The following FSTL5 variants were observed in gnomAD, a reference collection of about 807,000 sequenced individuals.
FSTL5 encodes follistatin-related protein 5.
In FSTL5, 62 loss-of-function variants were observed where a neutral mutation model predicts 89.1. The observed-to-expected ratio is 0.70, with a 90% CI of 0.57 to 0.86. FSTL5 has a LOEUF of 0.86. FSTL5 is among the 40% of genes least tolerant of loss of function. The pLI is 0.00. For missense variants in FSTL5, 1,057 were observed against 1,001.6 expected (o/e 1.06, Z -0.75); for synonymous variants, 383 against 346.2 (o/e 1.11, Z -1.18).
chr4:161,547,582 T>C (rs1040436026), intron 8 of FSTL5, among the ~76,000 whole-genome samples: 1 of 151,888 alleles, frequency 6.6e-6, no homozygotes, highest in South Asian at 2.1e-4. Context: ...TTTATCAGAA[T>C]ACTAAAATGG....
intron 15 of FSTL5, among the ~76,000 whole-genome samples, chr4:161,395,213 C>A (rs935530634): frequency 6.6e-6 from 1 of 151,472 alleles, no homozygotes; most frequent in Non-Finnish European, 1.5e-5. Context: ...AACATAGGGG[C>A]AAAGATGATA....
intron 15 of FSTL5, among the ~76,000 whole-genome samples, chr4:161,420,923 G>A (rs1378446628): frequency 6.6e-6 from 1 of 151,400 alleles, no homozygotes; most frequent in Non-Finnish European, 1.5e-5. Flanking sequence ...TATTGGTTCT[G>A]TTTCTCTAGA....
chr4:161,641,184 A>C (rs1012847869), intron 7 of FSTL5, among the ~76,000 whole-genome samples: 1 of 152,228 alleles, frequency 6.6e-6, no homozygotes, highest in African/African-American at 2.4e-5. Context: ...GTTACTAGAC[A>C]GTGACTGAAA....
At chr4:161,887,546 CA>C (rs1354776021) in intron 4 of FSTL5, among the ~76,000 whole-genome samples, 7 of 152,024 alleles carry the variant, frequency 4.6e-5, no homozygotes, top group African/African-American at 1.7e-4. Context: ...CAATGTTTCT[CA>C]GACATTTTAT....
At chr4:161,950,160 T>C (rs1167367622) in intron 3 of FSTL5, among the ~76,000 whole-genome samples, 3 of 152,182 alleles carry the variant, frequency 2.0e-5, no homozygotes. Flanking sequence ...TCAGTGCTGA[T>C]GAGGCACATT....
At chr4:161,914,398 A>G (rs1733783371) in intron 4 of FSTL5, among the ~76,000 whole-genome samples, 1 of 152,184 alleles carries the variant, frequency 6.6e-6, no homozygotes, top group South Asian at 2.1e-4. Flanking sequence ...AATTTGACAG[A>G]AATTAAATGC....
chr4:161,480,254 A>G (rs1046710363), intron 13 of FSTL5, among the ~76,000 whole-genome samples: 13 of 152,242 alleles, frequency 8.5e-5, no homozygotes, highest in African/African-American at 2.9e-4. Context: ...TTCGTAAGAT[A>G]CATATATTTA....
chr4:162,027,838 G>T (rs1737357451), intron 3 of FSTL5, among the ~76,000 whole-genome samples: 1 of 151,652 alleles, frequency 6.6e-6, no homozygotes, highest in East Asian at 1.9e-4. Flanking sequence ...TTGCTGTGAG[G>T]TAAGTAATAC....
chr4:161,614,114 G>A (rs1346244138), intron 7 of FSTL5, among the ~76,000 whole-genome samples: 1 of 152,080 alleles, frequency 6.6e-6, no homozygotes, highest in Non-Finnish European at 1.5e-5. Flanking sequence ...GGGGTTCATA[G>A]TGCAGTTTTA....
chr4:161,884,541 A>G (rs1251004485), intron 4 of FSTL5, among the ~76,000 whole-genome samples: 1 of 152,224 alleles, frequency 6.6e-6, no homozygotes, highest in Non-Finnish European at 1.5e-5. Context: ...CTGCAAAACA[A>G]CAATGAAAAG....
intron 6 of FSTL5, among the ~76,000 whole-genome samples, chr4:161,679,404 G>A (rs1560785701): frequency 6.6e-6 from 1 of 151,600 alleles, no homozygotes; most frequent in South Asian, 2.1e-4. Flanking sequence ...TTTAATATTA[G>A]GGAATCTGAA....
intron 3 of FSTL5, among the ~76,000 whole-genome samples, chr4:161,970,724 A>G (rs1735459643): frequency 6.6e-6 from 1 of 152,144 alleles, no homozygotes. Context: ...CTTGTTCAAG[A>G]AAAAGGCCAT....
At chr4:161,713,283 G>C (rs1401608181) in intron 6 of FSTL5, among the ~76,000 whole-genome samples, 1 of 152,124 alleles carries the variant, frequency 6.6e-6, no homozygotes, top group African/African-American at 2.4e-5. Flanking sequence ...TAATAATTTT[G>C]CCTGGAAATG....
At chr4:161,972,697 G>C (rs1271284588) in intron 3 of FSTL5, among the ~76,000 whole-genome samples, 1 of 152,216 alleles carries the variant, frequency 6.6e-6, no homozygotes, top group Non-Finnish European at 1.5e-5. Flanking sequence ...CACCTTGGAT[G>C]TGAGAGATCC....
intron 4 of FSTL5, among the ~76,000 whole-genome samples, chr4:161,856,067 C>A (rs890122693): frequency 2.0e-5 from 3 of 151,972 alleles, no homozygotes; most frequent in African/African-American, 7.2e-5. Flanking sequence ...AAAATATAAA[C>A]CATAATTAGC....
intron 8 of FSTL5, among the ~76,000 whole-genome samples, chr4:161,561,220 T>C (rs565581190): frequency 2.0e-5 from 3 of 151,974 alleles, no homozygotes; most frequent in East Asian, 1.9e-4. Flanking sequence ...GATAGATACA[T>C]AGATAGATAG....
rs1296171870 is a variant in FSTL5 at position 161,409,507 on chromosome 4, G to A, written c.1842-23058C>T. Among the ~76,000 whole-genome samples the A allele has an allele frequency of 3.3e-5, 5 of 151,960 alleles. No homozygotes were observed. The East Asian group carries it at 9.7e-4, about 29-fold the overall frequency. Reference sequence around the variant, plus strand: ...AGCTATTCTCCTGCCTCAGCCTCCCGAGTAGCTGGGATTACAGACATGTGC... The same window carrying A: ...AGCTATTCTCCTGCCTCAGCCTCCCAAGTAGCTGGGATTACAGACATGTGC... On this transcript the variant is annotated intron_variant, in intron 15 of 15. Coordinates refer to ENST00000306100, the MANE Select transcript of FSTL5 (RefSeq NM_020116.5).
chr4:161,912,847 A>G (rs1185604840), intron 4 of FSTL5, among the ~76,000 whole-genome samples: 1 of 152,196 alleles, frequency 6.6e-6, no homozygotes, highest in African/African-American at 2.4e-5. Flanking sequence ...GGTGATAATG[A>G]TATGAACAAT....
At chr4:161,837,178 A>G (rs1425268587) in intron 4 of FSTL5, among the ~76,000 whole-genome samples, 1 of 152,186 alleles carries the variant, frequency 6.6e-6, no homozygotes, top group East Asian at 1.9e-4. Context: ...AGTGAAGTTG[A>G]GGTCATCAAA....
Sources: allele counts gnomAD v4.1 joint callset (sites outside exome capture counted in the v4.1 genomes callset), GRCh38; gene constraint gnomAD v4.1.1; transcripts MANE v1.5; gene names NCBI Gene and HGNC (gene_info 2026-07-23, HGNC 2026-07-21).